UGT1A4: variants seen among roughly 807,000 people sequenced by gnomAD.
UGT1A4 encodes the protein UDP-glucuronosyltransferase 1A4.
Under a neutral mutation model 41.1 loss-of-function variants are expected in UGT1A4, and 32 were observed. The ratio of observed to expected loss-of-function variants is 0.78; its 90% CI spans 0.59 to 1.05. The LOEUF (loss-of-function observed/expected upper bound fraction) is 1.05, where lower values mean the gene tolerates loss of function less well. UGT1A4 is among the 50% of genes least tolerant of loss of function. UGT1A4 has a pLI of 0.00. For synonymous variants in UGT1A4, 283 were observed against 265.1 expected (o/e 1.07, Z -0.66); for missense variants, 748 against 677.4 (o/e 1.10, Z -1.16).
rs60469444 is a variant in UGT1A4, at chr2:233,743,994, T to G, written c.868-23040T>G. ...GCCAGCACCCAGGCGCAGGCCCGAG[T>G]GCTCGGAGACCTGGGCCGCCTGGAG... On this transcript the variant is annotated intron_variant, in intron 1 of 4. Coordinates refer to ENST00000373409, the MANE Select transcript of UGT1A4 (RefSeq NM_007120.3). 3 of 1,253,056 alleles carry G rather than the reference T, an allele frequency of 2.4e-6. No individual in the cohort carries two copies. In the African/African-American group the frequency reaches 4.7e-5, roughly 20 times the overall value. The allele number at this position is 1,253,056 out of a possible 1,614,324, so 77.6% of individuals were successfully genotyped here. A position where few individuals can be genotyped will look rare whatever the true frequency, so the allele number is the denominator to read the frequency against.
Position 233,747,455 on chromosome 2 carries a change from C to T in UGT1A4, c.868-19579C>T, listed in dbSNP as rs545965821. Reference sequence around the variant, plus strand: ...AATTTTTCACCCTGACAACCTATGCCATTTCATGGACCCAGGATGAATTTG... The same window carrying T: ...AATTTTTCACCCTGACAACCTATGCTATTTCATGGACCCAGGATGAATTTG... On this transcript the variant is annotated intron_variant, in intron 1 of 4. Coordinates refer to ENST00000373409, the MANE Select transcript of UGT1A4 (RefSeq NM_007120.3). 52 of 1,608,866 alleles carry T rather than the reference C, an allele frequency of 3.2e-5. 1 individual carries two copies. Among genetic ancestry groups the T allele is most frequent in the Admixed American group, 5.0e-5 (3 of 60,014 alleles).
chr2:233,772,618 A>C lies in UGT1A4; in HGVS notation c.*59A>C. 6.4e-7 allele frequency: 1 copy of C among 1,572,114 alleles called. No homozygotes were observed. The highest frequency in any genetic ancestry group is 2.4e-5 in the East Asian group (1 of 42,372). ...CATTCCCTAGTCATTTCCAAACTTG[A>C]AAACAGAATCAGTGTTAAATTCATT... On this transcript the variant is annotated 3_prime_UTR_variant, in exon 5 of 5. Coordinates refer to ENST00000373409, the MANE Select transcript of UGT1A4 (RefSeq NM_007120.3).
chr2:233,724,947 G>A (rs941284896), intron 1 of UGT1A4, among the ~76,000 whole-genome samples: 4 of 144,674 alleles, frequency 2.8e-5, no homozygotes, highest in East Asian at 4.2e-4. Flanking sequence ...CTGCAATCCC[G>A]GCACCTCGGG....
At chr2:233,766,271 G>A (rs926044962) in intron 1 of UGT1A4, among the ~76,000 whole-genome samples, 6 of 67,896 alleles carry the variant, frequency 8.8e-5, no homozygotes, top group Non-Finnish European at 1.8e-4. Context: ...GCCCGGGCTC[G>A]GTGGCCCGGG....
chr2:233,750,771 C>T (rs2125907104), intron 1 of UGT1A4: 1 of 151,994 alleles, frequency 6.6e-6, no homozygotes, highest in East Asian at 1.9e-4. Context: ...TGGTGTTGGG[C>T]CTGTGGGTAC....
In UGT1A4 at chr2:233,725,300, A is replaced by G. The variant is rs956221010; in HGVS notation, c.867+5613A>G. The stretch of plus-strand genomic sequence containing the variant: ...CAGAGGCAGAGGCAGAGGCAGAGGC[A>G]GAGGCAGAGGCAGAGGCGCCTGGTC... On this transcript the variant is annotated intron_variant, in intron 1 of 4. Transcript: ENST00000373409. 9.4e-5 allele frequency among the ~76,000 whole-genome samples: 7 copies of G among 74,572 alleles called. 1 individual carries two copies. In the East Asian group the frequency reaches 1.7e-3, roughly 18 times the overall value. The allele number at this position is 74,572 out of a possible 152,430, so 48.9% of individuals were successfully genotyped here.
At chr2:233,744,920 C>T (rs543250877) in intron 1 of UGT1A4, among the ~76,000 whole-genome samples, 1 of 151,948 alleles carries the variant, frequency 6.6e-6, no homozygotes, top group African/African-American at 2.4e-5. Flanking sequence ...GCTCAAGCTC[C>T]TTTTATAAAA....
In UGT1A4 at chr2:233,755,391, C is replaced by G. The variant is rs115647781; in HGVS notation, c.868-11643C>G. 7.3e-3 allele frequency: 2,499 copies of G among 343,022 alleles called. 14 individuals carry two copies. The highest frequency in any genetic ancestry group is 0.01 in the Non-Finnish European group (1,783 of 176,380). 21.2% of individuals were successfully genotyped at this position (343,022 alleles called of 1,614,324 possible). A position where few individuals can be genotyped will look rare whatever the true frequency, so the allele number is the denominator to read the frequency against. On this transcript the variant is annotated intron_variant, in intron 1 of 4. Coordinates refer to ENST00000373409, the MANE Select transcript of UGT1A4 (RefSeq NM_007120.3). ...TGGAGGGCCGCCCCTTATGACGCAGCCACATCTCATTGGCCGAGGCCTGTG... is the reference window on the plus strand; with the variant it reads ...TGGAGGGCCGCCCCTTATGACGCAGGCACATCTCATTGGCCGAGGCCTGTG...
At chr2:233,742,175 T>C (rs1052722591) in intron 1 of UGT1A4, among the ~76,000 whole-genome samples, 7 of 151,768 alleles carry the variant, frequency 4.6e-5, no homozygotes, top group African/African-American at 1.5e-4. Flanking sequence ...CACAGAAATA[T>C]AGAGTGTGGA....
chr2:233,732,917 C>T (rs958837276), intron 1 of UGT1A4, among the ~76,000 whole-genome samples: 38 of 152,062 alleles, frequency 2.5e-4, no homozygotes, highest in Non-Finnish European at 3.8e-4. Context: ...GCCATTTTCA[C>T]GATATTGATT....
Position 233,744,060 on chromosome 2 carries a change from C to A in UGT1A4, c.868-22974C>A, listed in dbSNP as rs1280590393. 1.7e-5 allele frequency: 10 copies of A among 571,720 alleles called. No homozygotes were observed. The African/African-American group carries it at 2.0e-4, about 11-fold the overall frequency. 35.4% of individuals were successfully genotyped at this position (571,720 alleles called of 1,614,324 possible). On this transcript the variant is annotated intron_variant, in intron 1 of 4. Coordinates refer to ENST00000373409, the MANE Select transcript of UGT1A4 (RefSeq NM_007120.3). Reference sequence around the variant, plus strand: ...CGCAGCCACATCTCATTGGTCGAGGCCTATGAGCGCCTCGCATCCCAAGAT... The same window carrying A: ...CGCAGCCACATCTCATTGGTCGAGGACTATGAGCGCCTCGCATCCCAAGAT...
intron 1 of UGT1A4, chr2:233,743,541 A>ACC (rs544018510): frequency 2.2e-6 from 3 of 1,366,832 alleles, no homozygotes; most frequent in South Asian, 1.1e-5. Flanking sequence ...AGTTCCTCTG[A>ACC]CCCCCCCAAA....
At chr2:233,766,980 A>G (rs1699299686) in intron 1 of UGT1A4, 54 bp from the exon 2 acceptor site, 14 of 1,612,720 alleles carry the variant, frequency 8.7e-6, no homozygotes, top group Non-Finnish European at 1.1e-5. Flanking sequence ...TACTGTATGT[A>G]GTCATCAAAG....
In UGT1A4 at chr2:233,769,673, G is replaced by A; in HGVS notation, c.1307+1234G>A. 1.3e-6 allele frequency: 2 copies of A among 1,580,578 alleles called. No individual in the cohort carries two copies. The highest frequency in any genetic ancestry group is 1.1e-5 in the South Asian group (1 of 86,980). On this transcript the variant is annotated intron_variant, in intron 4 of 4. Transcript: ENST00000373409. The surrounding 1 kb of genome is among the most constrained non-coding windows in gnomAD (Gnocchi z 4.4). ...GACTTCCCACCTTTGAGGTGCTAAT[G>A]TGTGTGTGGTGGCACTGGATAAAAG...
chr2:233,772,733 G>A lies in UGT1A4; in HGVS notation c.*174G>A, dbSNP rs1019873826. 7 of 1,442,156 alleles carry A rather than the reference G, an allele frequency of 4.9e-6. No homozygotes were observed. Among genetic ancestry groups the A allele is most frequent in the Non-Finnish European group, 6.4e-6 (7 of 1,099,298 alleles). The allele number at this position is 1,442,156 out of a possible 1,614,324, so 89.3% of individuals were successfully genotyped here. A position where few individuals can be genotyped will look rare whatever the true frequency, so the allele number is the denominator to read the frequency against. ...TTAAATAAAAATAATAGACTCGCTA[G>A]TCAGTAAAGATATTTGAATATGTAT... On this transcript the variant is annotated 3_prime_UTR_variant, in exon 5 of 5. Coordinates refer to ENST00000373409, the MANE Select transcript of UGT1A4 (RefSeq NM_007120.3).
rs1378719949 is a variant in UGT1A4, at chr2:233,755,434, G to A, written c.868-11600G>A. 1.3e-5 allele frequency: 4 copies of A among 316,454 alleles called. No homozygotes were observed. In the East Asian group the frequency reaches 3.3e-4, roughly 26 times the overall value. The allele number at this position is 316,454 out of a possible 1,614,324, so 19.6% of individuals were successfully genotyped here. A position where few individuals can be genotyped will look rare whatever the true frequency, so the allele number is the denominator to read the frequency against. ...GGCCTGTGAGCGCCTCGCATCCCAA[G>A]ATGCAGTGCTCCTGGGACTGGCCCT... On this transcript the variant is annotated intron_variant, in intron 1 of 4. Coordinates refer to ENST00000373409, the MANE Select transcript of UGT1A4 (RefSeq NM_007120.3).
At chr2:233,761,667 C>T (rs1186419843) in intron 1 of UGT1A4, among the ~76,000 whole-genome samples, 1 of 152,258 alleles carries the variant, frequency 6.6e-6, no homozygotes, top group African/African-American at 2.4e-5. Flanking sequence ...AATCACCAGA[C>T]AGTCAGGTTC....
chr2:233,724,897 A>G (rs1186168071), intron 1 of UGT1A4, among the ~76,000 whole-genome samples: 1 of 137,504 alleles, frequency 7.3e-6, no homozygotes, highest in Non-Finnish European at 1.5e-5. Flanking sequence ...ACTGCACTCC[A>G]GCCTGGGCAC....
In UGT1A4 at chr2:233,719,341, G is replaced by A. The variant is rs188312736; in HGVS notation, c.521G>A (p.Arg174Lys). 1.2e-6 allele frequency: 2 copies of A among 1,613,900 alleles called. No individual in the cohort carries two copies. Among genetic ancestry groups the A allele is most frequent in the Non-Finnish European group, 1.7e-6 (2 of 1,179,850 alleles). ...YLSIPAVFFW[R>K]YIPCDLDFKG... is the part of the protein sequence containing the mutation. ...TCGATTCCTGCTGTGTTTTTTTGGA[G>A]GTACATTCCATGTGACTTAGACTTT... is the stretch of plus-strand genomic sequence containing the variant. The change falls in exon 1 of 5, where the codon AGG becomes AAG. Residue 174 changes from arginine (R) to lysine (K), a missense_variant. Coordinates refer to ENST00000373409, the MANE Select transcript of UGT1A4 (RefSeq NM_007120.3).
Sources: allele counts gnomAD v4.1 joint callset (sites outside exome capture counted in the v4.1 genomes callset), GRCh38; gene constraint gnomAD v4.1.1; non-coding constraint Gnocchi (gnomAD v3.1); transcripts MANE v1.5; gene names NCBI Gene and HGNC (gene_info 2026-07-23, HGNC 2026-07-21).